Variants in SKAP2 observed in about 807,000 individuals in gnomAD.
SKAP2 encodes src kinase associated phosphoprotein 2, also known as src kinase-associated phosphoprotein 2.
A neutral mutation model predicts 54.9 loss-of-function variants in SKAP2; 28 were observed. The ratio of observed to expected loss-of-function variants is 0.51; its 90% CI spans 0.38 to 0.70. The LOEUF (loss-of-function observed/expected upper bound fraction) is 0.70. Ranked by LOEUF, SKAP2 falls within the 30% of genes least tolerant of loss-of-function variation. The probability of loss-of-function intolerance (pLI) is 0.00; values close to 1 mark genes in which losing one functional copy is unlikely to be tolerated. For missense variants in SKAP2, 356 were observed against 424.1 expected (o/e 0.84, Z 1.41); for synonymous variants, 137 against 134.3 (o/e 1.02, Z -0.14).
chr7:26,800,056 G>A (rs112782485), intron 4 of SKAP2, among the ~76,000 whole-genome samples: 8,261 of 151,622 alleles, frequency 0.054, 332 homozygotes, highest in Non-Finnish European at 0.083. Flanking sequence ...CCCAGGAGGT[G>A]GAGCTTGCAG....
chr7:26,740,129 TTCC>T (rs1390833692), intron 4 of SKAP2, among the ~76,000 whole-genome samples, 165 bp from the exon 5 acceptor site: 1 of 142,102 alleles, frequency 7.0e-6, no homozygotes, highest in Non-Finnish European at 1.5e-5. Flanking sequence ...ATCCCCTCTA[TTCC>T]TCCTAAAAGT....
At chr7:26,686,181 T>C (rs1184178385) in intron 10 of SKAP2, among the ~76,000 whole-genome samples, 3 of 152,172 alleles carry the variant, frequency 2.0e-5, no homozygotes, top group African/African-American at 7.2e-5. Context: ...AAAGAGAATC[T>C]GAATAATATG....
intron 4 of SKAP2, among the ~76,000 whole-genome samples, chr7:26,792,962 T>A (rs969957336): frequency 5.9e-5 from 9 of 152,224 alleles, no homozygotes; most frequent in African/African-American, 1.4e-4. Flanking sequence ...AATAATTTCA[T>A]AAAAAGAATG....
chr7:26,828,591 G>A (rs1246507164), intron 4 of SKAP2, among the ~76,000 whole-genome samples: 1 of 149,892 alleles, frequency 6.7e-6, no homozygotes, highest in Non-Finnish European at 1.5e-5. Flanking sequence ...GCAGGAGAAT[G>A]GCGTGAACCT....
intron 9 of SKAP2, among the ~76,000 whole-genome samples, chr7:26,705,899 T>C (rs559758235): frequency 5.3e-5 from 8 of 152,306 alleles, no homozygotes; most frequent in African/African-American, 1.4e-4. Flanking sequence ...AAACAAATCA[T>C]AGGGACATAC....
intron 11 of SKAP2, among the ~76,000 whole-genome samples, chr7:26,679,350 TA>T (rs1379904103): frequency 2.6e-5 from 4 of 152,166 alleles, no homozygotes; most frequent in Admixed American, 2.0e-4. Flanking sequence ...GTCCTATGAG[TA>T]GAACTAGAAC....
chr7:26,811,490 C>G (rs1209928277), intron 4 of SKAP2, among the ~76,000 whole-genome samples: 1 of 152,170 alleles, frequency 6.6e-6, no homozygotes, highest in Non-Finnish European at 1.5e-5. Context: ...CACCAGAAAC[C>G]TCTATTTGTC....
At chr7:26,778,719 T>G (rs1196410241) in intron 4 of SKAP2, among the ~76,000 whole-genome samples, 2 of 151,770 alleles carry the variant, frequency 1.3e-5, no homozygotes, top group Non-Finnish European at 2.9e-5. Context: ...ATGTTTCTTC[T>G]GTGTCTAAAA....
chr7:26,707,127 A>C (rs1307600766), intron 9 of SKAP2, among the ~76,000 whole-genome samples: 1 of 152,182 alleles, frequency 6.6e-6, no homozygotes, highest in Non-Finnish European at 1.5e-5. Context: ...TGAGAGGCCA[A>C]GGCAGGTGGA....
intron 9 of SKAP2, among the ~76,000 whole-genome samples, chr7:26,718,710 T>C (rs937203390): frequency 1.3e-5 from 2 of 152,096 alleles, no homozygotes; most frequent in Non-Finnish European, 2.9e-5. Flanking sequence ...TTCACCACGT[T>C]GGCCAGGATG....
intron 1 of SKAP2, among the ~76,000 whole-genome samples, chr7:26,855,698 G>T (rs1038959820): frequency 5.9e-5 from 9 of 151,606 alleles, no homozygotes; most frequent in Non-Finnish European, 1.2e-4. Context: ...GTGCTGTCTG[G>T]GTCTCTCTAG....
chr7:26,842,754 T>G (rs1784843257), intron 4 of SKAP2, among the ~76,000 whole-genome samples: 1 of 151,958 alleles, frequency 6.6e-6, no homozygotes, highest in Non-Finnish European at 1.5e-5. Context: ...AAAATATTAT[T>G]TCTTTGATTA....
At chr7:26,704,067 T>G (rs992168132) in intron 9 of SKAP2, among the ~76,000 whole-genome samples, 3 of 152,252 alleles carry the variant, frequency 2.0e-5, no homozygotes, top group Non-Finnish European at 2.9e-5. Flanking sequence ...GATGTCATAT[T>G]GACATATATT....
intron 4 of SKAP2, among the ~76,000 whole-genome samples, chr7:26,831,748 T>C (rs1042749725): frequency 6.6e-6 from 1 of 152,146 alleles, no homozygotes; most frequent in African/African-American, 2.4e-5. Flanking sequence ...AATGAAGTAT[T>C]TGAACCCAGG....
intron 4 of SKAP2, among the ~76,000 whole-genome samples, chr7:26,761,637 C>T (rs912786603): frequency 1.3e-5 from 2 of 152,178 alleles, no homozygotes; most frequent in African/African-American, 4.8e-5. Flanking sequence ...CATGGTGGCT[C>T]ACACCTGTAA....
At chr7:26,672,845 G>A (rs1786271973) in intron 11 of SKAP2, among the ~76,000 whole-genome samples, 1 of 151,982 alleles carries the variant, frequency 6.6e-6, no homozygotes, top group East Asian at 1.9e-4. Flanking sequence ...AAATTGGAAT[G>A]AAAATGCTTC....
At chr7:26,861,985 G>A (rs1368400053) in intron 1 of SKAP2, among the ~76,000 whole-genome samples, 2 of 151,892 alleles carry the variant, frequency 1.3e-5, no homozygotes, top group African/African-American at 4.8e-5. Context: ...TGGAATTCTA[G>A]CATAGTACCA....
chr7:26,720,709 G>A (rs1442005556), intron 9 of SKAP2, among the ~76,000 whole-genome samples: 1 of 152,138 alleles, frequency 6.6e-6, no homozygotes, highest in Non-Finnish European at 1.5e-5. Context: ...TTCTTCACAT[G>A]GCAGCATCGA....
intron 9 of SKAP2, among the ~76,000 whole-genome samples, chr7:26,701,726 A>AAAAT (rs869050926): frequency 0.023 from 2,891 of 126,746 alleles, 84 homozygotes; most frequent in African/African-American, 0.064. Flanking sequence ...CTTCGTCTCA[A>AAAAT]AAATAAATAA....
Sources: gnomAD v4.1 joint callset for allele counts (sites outside exome capture counted in the v4.1 genomes callset) on GRCh38, gnomAD v4.1.1 for gene constraint, MANE v1.5 for transcripts, NCBI Gene and HGNC (gene_info 2026-07-23, HGNC 2026-07-21) for gene names.